The following MAP4K5 variants were observed in gnomAD, a reference collection of about 807,000 sequenced individuals.
MAP4K5 encodes the protein MAPK/ERK kinase kinase kinase 5.
In MAP4K5, 82 loss-of-function variants were observed where a neutral mutation model predicts 135.6. The observed-to-expected ratio is 0.60, with a 90% CI of 0.51 to 0.73. MAP4K5 has a LOEUF of 0.73. Among genes scored for constraint, MAP4K5 ranks in the 30% least tolerant of loss-of-function variants. The pLI is 0.00. For synonymous variants in MAP4K5, 347 were observed against 335.0 expected, an observed-to-expected ratio of 1.04 and a Z score of -0.39; for missense variants, 907 against 1,010.9, an observed-to-expected ratio of 0.90 and a Z score of 1.39.
chr14:50,491,084 T>C (rs1023405237), intron 3 of MAP4K5, among the ~76,000 whole-genome samples: 28 of 152,108 alleles, frequency 1.8e-4, no homozygotes, highest in African/African-American at 6.5e-4. Context: ...ATCAAATGAG[T>C]CCTAACAAAT....
Position 50,420,088 on chromosome 14 carries a change from A to G in MAP4K5, c.2472T>C (p.Ser824=), listed in dbSNP as rs773066381. 1.9e-5 allele frequency: 30 copies of G among 1,608,802 alleles called. No homozygotes were observed. Among genetic ancestry groups the G allele is most frequent in the Admixed American group, 3.4e-5 (2 of 59,374 alleles). Residue 824 remains serine, a synonymous_variant, in exon 33 of 33, where the codon AGT becomes AGC. Transcript: ENST00000682126. The part of the protein sequence containing the change: ...LGSDRVVVLE[S]RPTENPTAHS... The stretch of plus-strand genomic sequence containing the variant: ...GTGCAGTAGGATTTTCTGTTGGCCT[A>G]CTTTCCAAAACGACAACCCTGTAAT...
chr14:50,507,768 C>T (rs1328365633), intron 2 of MAP4K5, among the ~76,000 whole-genome samples: 4 of 152,098 alleles, frequency 2.6e-5, no homozygotes, highest in African/African-American at 7.2e-5. Context: ...TTATTTCCAA[C>T]TATGTGGTCA....
At chr14:50,529,314 G>A (rs552393307) in intron 2 of MAP4K5, among the ~76,000 whole-genome samples, 2 of 152,258 alleles carry the variant, frequency 1.3e-5, no homozygotes, top group Admixed American at 6.5e-5. Context: ...TTCAGCCCGG[G>A]AGGTTGAGGC....
At chr14:50,508,786 G>C (rs931524506) in intron 2 of MAP4K5, among the ~76,000 whole-genome samples, 4 of 152,160 alleles carry the variant, frequency 2.6e-5, no homozygotes, top group Non-Finnish European at 5.9e-5. Flanking sequence ...GTTGGTGGGA[G>C]TGTAAACTAG....
intron 11 of MAP4K5, among the ~76,000 whole-genome samples, chr14:50,465,464 A>G (rs1757043760): frequency 6.6e-6 from 1 of 152,234 alleles, no homozygotes; most frequent in South Asian, 2.1e-4. Flanking sequence ...GACTATAAAG[A>G]TAGGTAAACT....
chr14:50,428,841 C>CCT, intron 29 of MAP4K5, 87 bp from the exon 30 acceptor site: 1 of 709,104 alleles, frequency 1.4e-6, no homozygotes, highest in Non-Finnish European at 2.4e-6. Context: ...ACATGGATAT[C>CCT]AAATAATATT....
At position 50,490,159 on chromosome 14, in the gene MAP4K5, G is replaced by GTGTA. The variant is rs71441284; in HGVS notation, c.167-3966_167-3965insTACA. Among the ~76,000 whole-genome samples the GTGTA allele has an allele frequency of 8.9e-3, 1,223 of 137,988 alleles. 26 individuals carry two copies. Among genetic ancestry groups the GTGTA allele is most frequent in the African/African-American group, 0.03 (1,118 of 37,510 alleles). 90.5% of individuals were successfully genotyped at this position (137,988 alleles called of 152,430 possible). A position where few individuals can be genotyped will look rare whatever the true frequency, so the allele number is the denominator to read the frequency against. The stretch of plus-strand genomic sequence containing the variant: ...TGTGTGTGTGTGTGTGTGTGTGTGT[G>GTGTA]TAAGGGAACTCAGCCTGATACTCTT... On this transcript the variant is annotated intron_variant, in intron 3 of 32. Coordinates refer to ENST00000682126, the MANE Select transcript of MAP4K5 (RefSeq NM_006575.6).
intron 2 of MAP4K5, among the ~76,000 whole-genome samples, chr14:50,510,528 C>T (rs2037909820): frequency 6.6e-6 from 1 of 152,276 alleles, no homozygotes; most frequent in Middle Eastern, 3.4e-3. Context: ...AATAGACAAT[C>T]ATGGTTGTAG....
At chr14:50,479,760 G>A (rs984254740) in intron 6 of MAP4K5, among the ~76,000 whole-genome samples, 2 of 152,056 alleles carry the variant, frequency 1.3e-5, no homozygotes, top group Non-Finnish European at 2.9e-5. Flanking sequence ...ACTTTGTTGG[G>A]TGCTGTATAT....
chr14:50,531,907 G>T lies in MAP4K5; in HGVS notation c.108+35C>A. ...GTGGCCCCATTCCCGGGACCCAGTCGACCGCAGGAAAAAAGCACGGCCAGC... is the reference window on the plus strand; with the variant it reads ...GTGGCCCCATTCCCGGGACCCAGTCTACCGCAGGAAAAAAGCACGGCCAGC... On this transcript the variant is annotated intron_variant, in intron 2 of 32. Transcript: ENST00000682126. The T allele has an allele frequency of 3.5e-6, 5 of 1,418,858 alleles. No individual in the cohort carries two copies. In the South Asian group the frequency reaches 6.1e-5, roughly 17 times the overall value. 87.9% of individuals were successfully genotyped at this position (1,418,858 alleles called of 1,614,324 possible).
At chr14:50,438,635 GATAAT>G (rs758439448) in intron 23 of MAP4K5, among the ~76,000 whole-genome samples, 63 of 152,018 alleles carry the variant, frequency 4.1e-4, no homozygotes, top group Non-Finnish European at 7.9e-4. Flanking sequence ...TATATGGTAT[GATAAT>G]ATAACAATAC....
intron 9 of MAP4K5, among the ~76,000 whole-genome samples, chr14:50,472,775 C>T (rs1181295854): frequency 6.6e-6 from 1 of 152,126 alleles, no homozygotes; most frequent in East Asian, 1.9e-4. Flanking sequence ...AATCCTAGTA[C>T]TTGGCAAAAC....
At chr14:50,540,985 T>G (rs1380147098) in intron 2 of MAP4K5, among the ~76,000 whole-genome samples, 1 of 152,236 alleles carries the variant, frequency 6.6e-6, no homozygotes, top group Non-Finnish European at 1.5e-5. Context: ...TATTAAAAAT[T>G]TAATCAAATG....
At position 50,464,152 on chromosome 14, in the gene MAP4K5, G is replaced by T; in HGVS notation, c.738-19C>A. On this transcript the variant is annotated intron_variant, in intron 11 of 32. Coordinates refer to ENST00000682126, the MANE Select transcript of MAP4K5 (RefSeq NM_006575.6). ...TGATGACCTTAAAATAAAAAGAGAC[G>T]TACAAAAATATTTCACTACTATTAC... The T allele has an allele frequency of 2.4e-6, 3 of 1,255,648 alleles. No homozygotes were observed. The highest frequency in any genetic ancestry group is 1.1e-6 in the Non-Finnish European group (1 of 882,420). The allele number at this position is 1,255,648 out of a possible 1,614,324, so 77.8% of individuals were successfully genotyped here.
In MAP4K5 at chr14:50,532,293, G is replaced by A. The variant is rs547629460; in HGVS notation, c.-109-135C>T. ...GAGAAAGGGGCCTGGAAGGGCCCCC[G>A]GCGCCCCGTATCCCCGTTCGGTCTG... is the stretch of plus-strand genomic sequence containing the variant. On this transcript the variant is annotated intron_variant, in intron 1 of 32. Coordinates refer to ENST00000682126, the MANE Select transcript of MAP4K5 (RefSeq NM_006575.6). 4 of 442,588 alleles carry A rather than the reference G, an allele frequency of 9.0e-6. No homozygotes were observed. The East Asian group carries it at 1.2e-4, about 13-fold the overall frequency. The allele number at this position is 442,588 out of a possible 1,614,324, so 27.4% of individuals were successfully genotyped here. A position where few individuals can be genotyped will look rare whatever the true frequency, so the allele number is the denominator to read the frequency against.
intron 32 of MAP4K5, among the ~76,000 whole-genome samples, chr14:50,420,769 G>A (rs911161898): frequency 4.6e-5 from 7 of 152,152 alleles, no homozygotes; most frequent in South Asian, 2.1e-4. Context: ...AGAGACACTC[G>A]TCCAAACTGT....
chr14:50,456,627 C>A, intron 13 of MAP4K5, 33 bp from the exon 14 acceptor site: 1 of 1,342,778 alleles, frequency 7.4e-7, no homozygotes, highest in African/African-American at 1.5e-5. Flanking sequence ...TATACTTTAA[C>A]AAATTTCAAT....
At position 50,440,030 on chromosome 14, in the gene MAP4K5, G is replaced by A. The variant is rs142204259; in HGVS notation, c.1688C>T (p.Thr563Ile). 157 of 1,553,280 alleles carry A rather than the reference G, an allele frequency of 1.0e-4. 1 individual carries two copies. The East Asian group carries it at 3.5e-3, about 35-fold the overall frequency. The change falls in exon 23 of 33, where the codon ACT (threonine) becomes ATT (isoleucine). Residue 563 changes from threonine to isoleucine, a missense_variant. Thr to Ile is a moderately conservative substitution (Grantham distance 89). Transcript: ENST00000682126. ...ATACATACCTGATAATGACATTAAA[G>A]TATTATTGATAACATACAGCCAAGT... Reference protein sequence around the residue: ...KCTWLYVINNTLMSLSEGKTF... With the variant: ...KCTWLYVINNILMSLSEGKTF...
upstream of MAP4K5, among the ~76,000 whole-genome samples, chr14:50,537,320 G>T (rs1297760175): frequency 1.3e-5 from 2 of 152,228 alleles, no homozygotes; most frequent in African/African-American, 4.8e-5. Context: ...GGGAATCTTT[G>T]CCTAGATTTC....
Sources: allele counts gnomAD v4.1 joint callset (sites outside exome capture counted in the v4.1 genomes callset), GRCh38; gene constraint gnomAD v4.1.1; transcripts MANE v1.5; gene names NCBI Gene and HGNC (gene_info 2026-07-23, HGNC 2026-07-21).